Variants in SAYSD1 observed in about 807,000 individuals in gnomAD.
SAYSD1 encodes the protein SAYSVFN motif domain containing 1, also known as SAYSvFN domain-containing protein 1.
Under a neutral mutation model 14.5 loss-of-function variants are expected in SAYSD1, and 15 were observed. The observed-to-expected ratio is 1.03, with a 90% CI of 0.69 to 1.59. SAYSD1 has a LOEUF of 1.59. SAYSD1 is among the 40% of genes most tolerant of loss of function. The pLI, the probability that SAYSD1 is intolerant of heterozygous loss-of-function variation, is 0.00. For synonymous variants in SAYSD1, 105 were observed against 102.6 expected (o/e 1.02, Z -0.14); for missense variants, 247 against 227.3 (o/e 1.09, Z -0.56).
chr6:39,107,363 G>A (rs764924449), intron 1 of SAYSD1, among the ~76,000 whole-genome samples: 17 of 152,092 alleles, frequency 1.1e-4, no homozygotes, highest in Middle Eastern at 3.2e-3. Flanking sequence ...TAGCTCTCCC[G>A]TTCATTAAGC....
At chr6:39,110,883 A>C (rs946275994) in intron 1 of SAYSD1, 1 of 152,110 alleles carries the variant, frequency 6.6e-6, no homozygotes, top group Non-Finnish European at 1.5e-5. Context: ...ACAAGCACTC[A>C]CAACAAATTT....
Position 39,115,028 on chromosome 6 carries a change from G to A in SAYSD1, c.62C>T (p.Pro21Leu), listed in dbSNP as rs774986985. Reference protein sequence around the residue: ...ARKRAGLAAQPPAASQGAQTP... With the variant: ...ARKRAGLAAQLPAASQGAQTP... ...TTGTGCGCCCTGACTGGCAGCAGGG[G>A]GTTGGGCCGCCAGACCCGCCCGTTT... Residue 21 changes from proline (P) to leucine (L), a missense_variant, in exon 1 of 2, where the codon CCC becomes CTC. Transcript: ENST00000229903. 4 of 1,613,016 alleles carry A rather than the reference G, an allele frequency of 2.5e-6. No homozygotes were observed. Among genetic ancestry groups the A allele is most frequent in the Admixed American group, 1.7e-5 (1 of 60,024 alleles).
At chr6:39,109,363 G>A in intron 1 of SAYSD1, 1 of 1,550,938 alleles carries the variant, frequency 6.4e-7, no homozygotes, top group Non-Finnish European at 8.7e-7. Context: ...ATTATTTCAG[G>A]AAACTGCTTT....
chr6:39,111,884 G>A (rs796730750), intron 1 of SAYSD1: 1 of 152,164 alleles, frequency 6.6e-6, no homozygotes, highest in Non-Finnish European at 1.5e-5. Flanking sequence ...TCAAAAAGTA[G>A]AATGGAAACA....
chr6:39,113,912 G>A lies in SAYSD1; in HGVS notation c.207+971C>T, dbSNP rs78992609. Among the ~76,000 whole-genome samples, 420 of 152,298 alleles carry A rather than the reference G, an allele frequency of 2.8e-3. 16 individuals are homozygous for A. In the East Asian group the frequency reaches 0.069, roughly 25 times the overall value. On this transcript the variant is annotated intron_variant, in intron 1 of 1. Transcript: ENST00000229903. ...GTCAGCTGGAATCCTGTATATCACT[G>A]AGAATATCAAATCAAAATTGAGTAA...
chr6:39,108,397 G>C (rs1769542400), intron 1 of SAYSD1, among the ~76,000 whole-genome samples: 1 of 121,640 alleles, frequency 8.2e-6, no homozygotes, highest in African/African-American at 3.4e-5. Context: ...CAGGAGAAAG[G>C]TTAGGGAGCT....
rs534026071 is a variant in SAYSD1 at position 39,114,903 on chromosome 6, CCCGGGCACTCGCGGGCCT to C, written c.169_186del (p.Arg57_Arg62del). The C allele has an allele frequency of 8.2e-5, 133 of 1,612,720 alleles. No individual in the cohort carries two copies. The East Asian group carries it at 2.9e-3, about 35-fold the overall frequency. ...CTCACCTGAACTAGGCCGGGCTGGG[CCCGGGCACTCGCGGGCCT>C]AGGTTTCCATACCAGGAACCGCTTT... is the stretch of plus-strand genomic sequence containing the variant. On this transcript the variant is annotated inframe_deletion, in exon 1 of 2. Coordinates refer to ENST00000229903, the MANE Select transcript of SAYSD1 (RefSeq NM_018322.3).
intron 1 of SAYSD1, chr6:39,110,317 G>A (rs1488477056): frequency 5.2e-6 from 1 of 192,738 alleles, no homozygotes; most frequent in Non-Finnish European, 1.1e-5. Flanking sequence ...TCCTTCATCT[G>A]TGGATGAACA....
chr6:39,115,186 T>C lies in SAYSD1; in HGVS notation c.-97A>G, dbSNP rs977159450. On this transcript the variant is annotated 5_prime_UTR_variant, in exon 1 of 2. Transcript: ENST00000229903. ...CGGCCCGCGCCGGCCGCCGTGCGCC[T>C]GCGTGGCAGAAGCCCCTGCTGAGCA... 31 of 1,199,838 alleles carry C rather than the reference T, an allele frequency of 2.6e-5. No homozygotes were observed. The highest frequency in any genetic ancestry group is 3.4e-5 in the Non-Finnish European group (30 of 886,126). The allele number at this position is 1,199,838 out of a possible 1,614,324, so 74.3% of individuals were successfully genotyped here.
At position 39,104,401 on chromosome 6, in the gene SAYSD1, C is replaced by T. The variant is rs930394852; in HGVS notation, c.*1031G>A. 7.2e-5 allele frequency: 11 copies of T among 152,044 alleles called. No individual in the cohort carries two copies. The highest frequency in any genetic ancestry group is 2.4e-4 in the African/African-American group (10 of 41,324). The allele number at this position is 152,044 out of a possible 1,614,324, so 9.4% of individuals were successfully genotyped here. A position where few individuals can be genotyped will look rare whatever the true frequency, so the allele number is the denominator to read the frequency against. ...TGTACTGGAAAAGCAGCATTAAAAT[C>T]CAGCCTGATTATCACAATTTACAGA... On this transcript the variant is annotated 3_prime_UTR_variant, in exon 2 of 2. Transcript: ENST00000229903.
At chr6:39,114,818 T>G in intron 1 of SAYSD1, 65 bp downstream of exon 1, 1 of 1,535,868 alleles carries the variant, frequency 6.5e-7, no homozygotes, top group Non-Finnish European at 8.9e-7. Context: ...CCCCGGCAGC[T>G]AGGGCCGCGC....
chr6:39,110,255 G>A (rs574989320), intron 1 of SAYSD1: 5 of 154,122 alleles, frequency 3.2e-5, no homozygotes, highest in African/African-American at 1.2e-4. Flanking sequence ...ATGTCCTAAA[G>A]TTTGATGGCT....
rs555550924 is a variant in SAYSD1, at chr6:39,106,749, A to G, written c.208-973T>C. Among the ~76,000 whole-genome samples the G allele has an allele frequency of 3.3e-4, 50 of 152,212 alleles. 1 individual carries two copies. The highest frequency in any genetic ancestry group is 2.5e-3 in the Admixed American group (38 of 15,294). On this transcript the variant is annotated intron_variant, in intron 1 of 1. Transcript: ENST00000229903. Reference sequence around the variant, plus strand: ...CCCTCCTGTTCACAAACCTTCAAAAACTTTCACTGTCTACAGGATAAAATC... The same window carrying G: ...CCCTCCTGTTCACAAACCTTCAAAAGCTTTCACTGTCTACAGGATAAAATC...
At chr6:39,111,981 A>G (rs1769633945) in intron 1 of SAYSD1, 1 of 152,232 alleles carries the variant, frequency 6.6e-6, no homozygotes, top group African/African-American at 2.4e-5. Flanking sequence ...TAGAAAGGAA[A>G]GTGGAGCAAC....
At chr6:39,114,082 C>T (rs56930438) in intron 1 of SAYSD1, among the ~76,000 whole-genome samples, 4,562 of 151,648 alleles carry the variant, frequency 0.03, 79 homozygotes, top group South Asian at 0.049. Context: ...GTTCTTATTG[C>T]ACTTATGAGG....
intron 1 of SAYSD1, chr6:39,110,313 A>C (rs1583667985): frequency 5.3e-6 from 1 of 188,880 alleles, no homozygotes; most frequent in South Asian, 1.3e-4. Context: ...GTATTCCTTC[A>C]TCTGTGGATG....
chr6:39,105,685 T>C lies in SAYSD1; in HGVS notation c.299A>G (p.Asn100Ser), dbSNP rs548807253. The change falls in exon 2 of 2, where the codon AAT (asparagine) becomes AGT (serine). Residue 100 changes from asparagine (N) to serine (S), a missense_variant. Asn to Ser is a conservative substitution (Grantham distance 46, BLOSUM62 1). Coordinates refer to ENST00000229903, the MANE Select transcript of SAYSD1 (RefSeq NM_018322.3). ...GAGAAGAACCTTCAAGAAGGTGATA[T>C]TGGTCAGGAAAGACTGGTCCCAGCA... Reference protein sequence around the residue: ...PSCWDQSFLTNITFLKVLLWL... With the variant: ...PSCWDQSFLTSITFLKVLLWL... 2.5e-6 allele frequency: 4 copies of C among 1,614,202 alleles called. No individual in the cohort carries two copies. Among genetic ancestry groups the C allele is most frequent in the South Asian group, 2.2e-5 (2 of 91,078 alleles).
Position 39,105,353 on chromosome 6 carries a change from A to G in SAYSD1, c.*79T>C, listed in dbSNP as rs1769475976. On this transcript the variant is annotated 3_prime_UTR_variant, in exon 2 of 2. Coordinates refer to ENST00000229903, the MANE Select transcript of SAYSD1 (RefSeq NM_018322.3). ...TAACCCGCAAGCTGCCCTTAGTCCTATACACCTGAAATCAAATCCATAGCC... is the reference window on the plus strand; with the variant it reads ...TAACCCGCAAGCTGCCCTTAGTCCTGTACACCTGAAATCAAATCCATAGCC... The G allele has an allele frequency of 7.9e-6, 10 of 1,271,802 alleles. No homozygotes were observed. Among genetic ancestry groups the G allele is most frequent in the Non-Finnish European group, 1.1e-5 (10 of 894,408 alleles). 78.8% of individuals were successfully genotyped at this position (1,271,802 alleles called of 1,614,324 possible).
At chr6:39,106,228 C>G (rs903911876) in intron 1 of SAYSD1, among the ~76,000 whole-genome samples, 15 of 150,694 alleles carry the variant, frequency 1.0e-4, no homozygotes, top group Non-Finnish European at 8.9e-5. Context: ...AAACAAAAAT[C>G]CTTTTTACGT....
Sources: allele counts gnomAD v4.1 joint callset (sites outside exome capture counted in the v4.1 genomes callset), GRCh38; gene constraint gnomAD v4.1.1; transcripts MANE v1.5; gene names NCBI Gene and HGNC (gene_info 2026-07-23, HGNC 2026-07-21).